The following GAS7 variants were observed in gnomAD, a reference collection of about 807,000 sequenced individuals.
The protein encoded by GAS7 is growth arrest-specific protein 7.
Under a neutral mutation model 71.1 loss-of-function variants are expected in GAS7, and 28 were observed. That is an observed-to-expected ratio of 0.39 (90% CI 0.29 to 0.54). The LOEUF is 0.54. Among genes scored for constraint, GAS7 ranks in the 20% least tolerant of loss-of-function variants. The pLI, the probability that GAS7 is intolerant of heterozygous loss-of-function variation, is 0.62. For missense variants in GAS7, 436 were observed against 627.8 expected (o/e 0.69, Z 3.27); for synonymous variants, 258 against 245.8 (o/e 1.05, Z -0.46).
rs539569944 is a variant in GAS7 at position 10,142,056 on chromosome 17, G to A, written c.183+56152C>T. Among the ~76,000 whole-genome samples, 443 of 151,968 alleles carry A rather than the reference G, an allele frequency of 2.9e-3. 1 individual carries two copies. Among genetic ancestry groups the A allele is most frequent in the Non-Finnish European group, 5.2e-3 (351 of 67,978 alleles). ...ATCCTGGCTAACATGGTGAAACCCC[G>A]TCTCTACTAAAAACACAAAAAATTA... On this transcript the variant is annotated intron_variant, in intron 1 of 13. Transcript: ENST00000432992.
intron 1 of GAS7, among the ~76,000 whole-genome samples, chr17:10,060,231 G>A (rs1194835165): frequency 6.6e-6 from 1 of 152,240 alleles, no homozygotes; most frequent in Non-Finnish European, 1.5e-5. Context: ...CTGGCCTTCT[G>A]CCACTGCCTG....
chr17:10,115,755 T>G (rs2073855402), intron 1 of GAS7, among the ~76,000 whole-genome samples: 1 of 152,270 alleles, frequency 6.6e-6, no homozygotes, highest in Admixed American at 6.5e-5. Flanking sequence ...CCGCCCCTAG[T>G]CCCTGGGGAG....
chr17:9,925,158 G>C (rs114552834), intron 11 of GAS7, among the ~76,000 whole-genome samples: 1,968 of 150,210 alleles, frequency 0.013, 48 homozygotes, highest in African/African-American at 0.045. Context: ...TCCACCTCCT[G>C]GTCAGAGATC....
intron 3 of GAS7, among the ~76,000 whole-genome samples, chr17:9,977,425 CTTTGCCTGTTACTA>C (rs2070248547): frequency 6.6e-6 from 1 of 152,220 alleles, no homozygotes; most frequent in Non-Finnish European, 1.5e-5. Flanking sequence ...TTTTCTTTCT[CTTTGCCTGTTACTA>C]TTTCTCTCTA....
chr17:10,176,573 G>T (rs189426860), intron 1 of GAS7, among the ~76,000 whole-genome samples: 106 of 152,282 alleles, frequency 7.0e-4, no homozygotes, highest in African/African-American at 2.4e-3. Context: ...CATGAACATT[G>T]CAAGGCCAAA....
At chr17:10,076,411 A>G (rs2073394416) in intron 1 of GAS7, among the ~76,000 whole-genome samples, 2 of 132,270 alleles carry the variant, frequency 1.5e-5, no homozygotes, top group South Asian at 6.4e-4. Context: ...GAAAAAAGAA[A>G]AAGAGGGAGG....
chr17:10,089,168 A>G (rs1401967309), intron 1 of GAS7, among the ~76,000 whole-genome samples: 1 of 152,146 alleles, frequency 6.6e-6, no homozygotes, highest in Non-Finnish European at 1.5e-5. Context: ...TCAAAAAAGA[A>G]AAAAAAGAAA....
chr17:9,957,354 G>A (rs1306379646), intron 5 of GAS7, among the ~76,000 whole-genome samples: 4 of 152,178 alleles, frequency 2.6e-5, no homozygotes, highest in Non-Finnish European at 2.9e-5. Flanking sequence ...AGGGATGGGC[G>A]AGGTGTGCTG....
At chr17:10,131,192 G>A (rs1381060075) in intron 1 of GAS7, among the ~76,000 whole-genome samples, 1 of 152,196 alleles carries the variant, frequency 6.6e-6, no homozygotes, top group East Asian at 1.9e-4. Flanking sequence ...ACCTCGAAGA[G>A]CAGCGCTTAC....
intron 1 of GAS7, among the ~76,000 whole-genome samples, chr17:10,070,341 C>CTTTTTTTTTTTTTTTT (rs71365713): frequency 5.7e-5 from 6 of 106,130 alleles, no homozygotes; most frequent in Non-Finnish European, 1.1e-4. Context: ...TCTCTCTCTT[C>CTTTTTTTTTTTTTTTT]TTTTTTTTTT....
At chr17:10,164,311 G>A (rs1015171613) in intron 1 of GAS7, among the ~76,000 whole-genome samples, 2 of 152,064 alleles carry the variant, frequency 1.3e-5, no homozygotes, top group South Asian at 2.1e-4. Context: ...GCTTGGTGGT[G>A]CGCGCTTGTA....
intron 1 of GAS7, among the ~76,000 whole-genome samples, chr17:10,112,817 GAAGA>G (rs2142067985): frequency 6.8e-6 from 1 of 146,090 alleles, no homozygotes; most frequent in African/African-American, 2.5e-5. Context: ...GAGAGAAAAG[GAAGA>G]AAGAGGGAAG....
intron 1 of GAS7, chr17:10,036,753 C>G: frequency 8.3e-7 from 1 of 1,211,712 alleles, no homozygotes; most frequent in African/African-American, 1.6e-5. Context: ...TTTCTGGAGG[C>G]CTTTCTTTTT....
At chr17:9,979,862 TAA>T (rs749550179) in intron 3 of GAS7, among the ~76,000 whole-genome samples, 5 of 141,200 alleles carry the variant, frequency 3.5e-5, no homozygotes, top group Admixed American at 7.1e-5. Context: ...TTGATTGTTT[TAA>T]AAAAAAAAAA....
At chr17:9,964,432 G>A (rs1459785358) in intron 4 of GAS7, among the ~76,000 whole-genome samples, 1 of 152,112 alleles carries the variant, frequency 6.6e-6, no homozygotes, top group Non-Finnish European at 1.5e-5. Context: ...GGCCTGCGCA[G>A]ACTACCCCAG....
chr17:10,009,091 C>T (rs944113593), intron 2 of GAS7, among the ~76,000 whole-genome samples: 5 of 151,910 alleles, frequency 3.3e-5, no homozygotes, highest in East Asian at 1.9e-4. Context: ...GAGGCCGAGG[C>T]GGGCGGATCA....
intron 1 of GAS7, 30 bp downstream of exon 1, chr17:10,198,178 G>C (rs1284045128): frequency 6.3e-7 from 1 of 1,596,178 alleles, no homozygotes; most frequent in Non-Finnish European, 8.5e-7. Flanking sequence ...CGCAGCCCCG[G>C]CTCCTACAGC....
At chr17:9,953,120 TAAAGGA>T (rs2069087142) in intron 5 of GAS7, among the ~76,000 whole-genome samples, 2 of 151,384 alleles carry the variant, frequency 1.3e-5, no homozygotes, top group East Asian at 3.9e-4. Context: ...ATATACTAGA[TAAAGGA>T]AACGTGGTAC....
At chr17:10,130,470 C>T (rs931605810) in intron 1 of GAS7, among the ~76,000 whole-genome samples, 4 of 152,062 alleles carry the variant, frequency 2.6e-5, no homozygotes, top group African/African-American at 4.8e-5. Flanking sequence ...ATACTTACCA[C>T]GTGACCCAGC....
Sources: gnomAD v4.1 joint callset for allele counts (sites outside exome capture counted in the v4.1 genomes callset) on GRCh38, gnomAD v4.1.1 for gene constraint, MANE v1.5 for transcripts, NCBI Gene and HGNC (gene_info 2026-07-23, HGNC 2026-07-21) for gene names.